Variants in SATL1 observed in about 807,000 individuals in gnomAD.
SATL1 encodes the protein spermidine/spermine N1-acetyl transferase like 1.
SATL1 carries 47 observed loss-of-function variants against 51.8 expected under a neutral mutation model. That is an observed-to-expected ratio of 0.91 (90% CI 0.72 to 1.16). The LOEUF (loss-of-function observed/expected upper bound fraction) is 1.16, where lower values mean the gene tolerates loss of function less well. Ranked by LOEUF, SATL1 falls within the 50% of genes most tolerant of loss-of-function variation. SATL1 has a pLI of 0.00. For missense variants in SATL1, 520 were observed against 526.4 expected (o/e 0.99, Z 0.12); for synonymous variants, 176 against 182.4 (o/e 0.97, Z 0.28).
chrX:85,163,883 T>C lies in SATL1; in HGVS notation c.-312-54603A>G, dbSNP rs1477029650. 2.7e-5 allele frequency among the ~76,000 whole-genome samples: 3 copies of C among 112,107 alleles called. No individual in the cohort carries two copies. The East Asian group carries it at 8.4e-4, about 31-fold the overall frequency. ...TTGAAGTCCCCCACTATTATTGTCTTGCGGTCTGTCGCATTTCTTAAGTCT... is the reference window on the plus strand; with the variant it reads ...TTGAAGTCCCCCACTATTATTGTCTCGCGGTCTGTCGCATTTCTTAAGTCT... On this transcript the variant is annotated intron_variant, in intron 2 of 7. Transcript: ENST00000644105.
chrX:85,164,071 A>C (rs975843402), intron 2 of SATL1, among the ~76,000 whole-genome samples: 2 of 111,797 alleles, frequency 1.8e-5, no homozygotes, highest in Admixed American at 9.5e-5. Flanking sequence ...TGATATAAGA[A>C]TCCTGTTTGC....
At chrX:85,173,295 T>G (rs1927011760) in intron 2 of SATL1, among the ~76,000 whole-genome samples, 1 of 111,257 alleles carries the variant, frequency 9.0e-6, no homozygotes, top group Non-Finnish European at 1.9e-5. Flanking sequence ...TGCATTATAC[T>G]AAAGGCATTT....
chrX:85,147,592 C>T (rs1246283948), intron 2 of SATL1, among the ~76,000 whole-genome samples: 1 of 111,888 alleles, frequency 8.9e-6, no homozygotes, highest in African/African-American at 3.3e-5. Context: ...CAGACTGACA[C>T]CTCACACAGC....
At chrX:85,207,533 G>A (rs1451461035) in intron 2 of SATL1, 2 of 111,585 alleles carry the variant, frequency 1.8e-5, no homozygotes, top group Non-Finnish European at 3.8e-5. Context: ...AAATTTAAAT[G>A]GGAATCTGCT....
chrX:85,224,761 T>A (rs1240468172), intron 1 of SATL1, among the ~76,000 whole-genome samples: 1 of 75,176 alleles, frequency 1.3e-5, no homozygotes, highest in African/African-American at 6.7e-5. Context: ...CACTCATGAG[T>A]ATATATCAAA....
intron 2 of SATL1, chrX:85,117,359 G>C (rs182774282): frequency 1.8e-4 from 20 of 111,713 alleles, no homozygotes; most frequent in African/African-American, 6.5e-4. Flanking sequence ...GGTTGTTGCA[G>C]ACCCACATGT....
chrX:85,217,115 G>T (rs747002286), intron 2 of SATL1, among the ~76,000 whole-genome samples: 1 of 111,714 alleles, frequency 9.0e-6, no homozygotes, highest in Admixed American at 9.5e-5. Flanking sequence ...TTGACCTATG[G>T]AACTATACTA....
chrX:85,148,839 T>C (rs1297964540), intron 2 of SATL1, among the ~76,000 whole-genome samples: 3 of 111,109 alleles, frequency 2.7e-5, no homozygotes, highest in South Asian at 3.9e-4. Context: ...AAGGAACAAC[T>C]GGTACCAGCC....
Position 85,170,418 on chromosome X carries a change from T to C in SATL1, c.-313+53787A>G, listed in dbSNP as rs144362795. 2.2e-3 allele frequency among the ~76,000 whole-genome samples: 249 copies of C among 111,906 alleles called. 1 individual carries two copies. Among genetic ancestry groups the C allele is most frequent in the African/African-American group, 7.9e-3 (246 of 31,015 alleles). On this transcript the variant is annotated intron_variant, in intron 2 of 7. Transcript: ENST00000644105. ...CAGATCAACAGTGATATATGGAAAA[T>C]ATTAGTTTACTTGGTTTAAACTAAT...
At chrX:85,228,066 C>T in intron 1 of SATL1, among the ~76,000 whole-genome samples, 2 of 110,902 alleles carry the variant, frequency 1.8e-5, no homozygotes, top group Middle Eastern at 4.7e-3. Flanking sequence ...GTGATGAGAG[C>T]ATGGACGTTC....
chrX:85,159,078 A>G (rs1926656773), intron 2 of SATL1, among the ~76,000 whole-genome samples: 2 of 111,799 alleles, frequency 1.8e-5, no homozygotes, highest in African/African-American at 3.2e-5. Context: ...AGCACTCCAC[A>G]ACAGACAACA....
chrX:85,166,195 G>A (rs1238124568), intron 2 of SATL1, among the ~76,000 whole-genome samples: 1 of 111,393 alleles, frequency 9.0e-6, no homozygotes, highest in Non-Finnish European at 1.9e-5. Context: ...CACCAAAAAA[G>A]CTCTTCTGGA....
At chrX:85,162,374 G>C (rs1926741310) in intron 2 of SATL1, among the ~76,000 whole-genome samples, 1 of 111,224 alleles carries the variant, frequency 9.0e-6, no homozygotes, top group African/African-American at 3.3e-5. Context: ...CCACTGATTT[G>C]TGTACATTGA....
intron 2 of SATL1, among the ~76,000 whole-genome samples, chrX:85,204,350 C>T (rs983360935): frequency 6.2e-5 from 7 of 112,041 alleles, no homozygotes; most frequent in Non-Finnish European, 1.3e-4. Flanking sequence ...GCTTCTGTTC[C>T]TCTCCATGAT....
intron 2 of SATL1, among the ~76,000 whole-genome samples, chrX:85,125,370 T>G (rs754304534): frequency 9.0e-6 from 1 of 111,384 alleles, no homozygotes. Flanking sequence ...AACGTGGAAA[T>G]GTGGGTACCT....
intron 2 of SATL1, among the ~76,000 whole-genome samples, chrX:85,189,305 G>A (rs1428050933): frequency 9.0e-6 from 1 of 111,478 alleles, no homozygotes; most frequent in Non-Finnish European, 1.9e-5. Flanking sequence ...ATGTGCCACT[G>A]TGCCATGCTA....
intron 2 of SATL1, among the ~76,000 whole-genome samples, chrX:85,151,065 C>T (rs1314560423): frequency 1.0e-4 from 11 of 109,345 alleles, no homozygotes; most frequent in Admixed American, 2.0e-4. Context: ...ATCTAGAAAA[C>T]CCCATTGTCT....
chrX:85,113,497 T>A (rs1171327982), intron 2 of SATL1, among the ~76,000 whole-genome samples: 1 of 111,136 alleles, frequency 9.0e-6, no homozygotes, highest in African/African-American at 3.3e-5. Context: ...CACTAGTTGG[T>A]TCAGAGGAAA....
At chrX:85,129,058 T>C (rs1030857543) in intron 2 of SATL1, among the ~76,000 whole-genome samples, 6 of 112,040 alleles carry the variant, frequency 5.4e-5, no homozygotes, top group African/African-American at 1.6e-4. Context: ...AGCCTTGTAG[T>C]ATAGCTTGAA....
Sources: allele counts gnomAD v4.1 joint callset (sites outside exome capture counted in the v4.1 genomes callset), GRCh38; gene constraint gnomAD v4.1.1; transcripts MANE v1.5; gene names NCBI Gene and HGNC (gene_info 2026-07-23, HGNC 2026-07-21).